CADM2: variants seen among roughly 807,000 people sequenced by gnomAD.
The protein encoded by CADM2 is cell adhesion molecule 2.
Under a neutral mutation model 49.8 loss-of-function variants are expected in CADM2, and 12 were observed. That is an observed-to-expected ratio of 0.24 (90% confidence interval 0.15 to 0.39). The LOEUF (loss-of-function observed/expected upper bound fraction) is 0.39, where lower values mean the gene tolerates loss of function less well. Among genes scored for constraint, CADM2 ranks in the 10% least tolerant of loss-of-function variants. The pLI is 1.00. For missense variants in CADM2, 378 were observed against 492.3 expected (o/e 0.77, Z 2.20); for synonymous variants, 214 against 175.4 (o/e 1.22, Z -1.74).
chr3:85,220,492 G>A (rs747543069), intron 1 of CADM2, among the ~76,000 whole-genome samples: 7 of 152,106 alleles, frequency 4.6e-5, no homozygotes, highest in Non-Finnish European at 8.8e-5. Flanking sequence ...AAGCATACAA[G>A]TCAGGTTCTT....
intron 1 of CADM2, among the ~76,000 whole-genome samples, chr3:85,483,088 T>C (rs578152701): frequency 1.3e-5 from 2 of 151,498 alleles, no homozygotes; most frequent in Non-Finnish European, 3.0e-5. Flanking sequence ...TATTAAATAG[T>C]ATAGTATGGG....
chr3:85,084,973 G>A (rs919610756), intron 1 of CADM2, among the ~76,000 whole-genome samples: 10 of 151,986 alleles, frequency 6.6e-5, no homozygotes, highest in African/African-American at 2.2e-4. Flanking sequence ...ATACAGTTAT[G>A]TTAGGCAGCA....
chr3:85,841,157 G>A (rs531031415), intron 3 of CADM2, among the ~76,000 whole-genome samples: 1 of 151,918 alleles, frequency 6.6e-6, no homozygotes. Context: ...TTGATAACAT[G>A]AAACTTTTCA....
chr3:85,641,207 A>T (rs1342827586), intron 1 of CADM2, among the ~76,000 whole-genome samples: 3 of 152,236 alleles, frequency 2.0e-5, no homozygotes, highest in Non-Finnish European at 4.4e-5. Context: ...TAGCTAAAAA[A>T]AAACTAGTGA....
intron 3 of CADM2, among the ~76,000 whole-genome samples, chr3:85,816,266 G>A (rs185388490): frequency 8.7e-4 from 132 of 151,030 alleles, no homozygotes; most frequent in Admixed American, 3.7e-3. Context: ...TAGCTCTAGA[G>A]CACCAACCTA....
intron 1 of CADM2, among the ~76,000 whole-genome samples, chr3:85,657,781 T>TAC (rs1469127055): frequency 1.6e-4 from 24 of 147,602 alleles, no homozygotes; most frequent in African/African-American, 5.9e-4. Flanking sequence ...TATATACATA[T>TAC]ACATGTTTTG....
At chr3:85,911,196 A>G (rs896295712) in intron 5 of CADM2, among the ~76,000 whole-genome samples, 2 of 152,180 alleles carry the variant, frequency 1.3e-5, no homozygotes, top group African/African-American at 4.8e-5. Flanking sequence ...CATCAACTAC[A>G]TTTAAGATCT....
At chr3:86,063,553 G>T (rs1040174609) in intron 8 of CADM2, among the ~76,000 whole-genome samples, 4 of 152,162 alleles carry the variant, frequency 2.6e-5, no homozygotes, top group African/African-American at 9.7e-5. Flanking sequence ...AGTAGGTGTC[G>T]GGGAGTATGT....
At chr3:85,925,961 C>T (rs1301600520) in intron 6 of CADM2, among the ~76,000 whole-genome samples, 2 of 151,794 alleles carry the variant, frequency 1.3e-5, no homozygotes. Context: ...CACGGTGAAA[C>T]CCCGTCTCTA....
intron 1 of CADM2, among the ~76,000 whole-genome samples, chr3:85,227,565 C>T (rs2042191150): frequency 1.3e-5 from 2 of 151,374 alleles, no homozygotes; most frequent in Non-Finnish European, 2.9e-5. Flanking sequence ...ATACAGCACA[C>T]TGATGGGTCT....
At chr3:85,591,508 G>A (rs73843681) in intron 1 of CADM2, among the ~76,000 whole-genome samples, 2,381 of 151,920 alleles carry the variant, frequency 0.016, 73 homozygotes, top group African/African-American at 0.054. Flanking sequence ...TAGTATATAC[G>A]GAAATTTCAC....
At chr3:85,800,148 A>C (rs1426939628) in intron 2 of CADM2, 3 of 152,258 alleles carry the variant, frequency 2.0e-5, no homozygotes, top group Non-Finnish European at 4.4e-5. Context: ...AGTGGGCTCC[A>C]CCTAGTCTGA....
intron 1 of CADM2, among the ~76,000 whole-genome samples, chr3:85,290,677 G>C (rs939833173): frequency 6.6e-6 from 1 of 152,202 alleles, no homozygotes; most frequent in African/African-American, 2.4e-5. Context: ...AGCAGGGGCA[G>C]ACTGACACCT....
At chr3:85,757,319 C>T (rs1477493577) in intron 2 of CADM2, among the ~76,000 whole-genome samples, 2 of 151,932 alleles carry the variant, frequency 1.3e-5, no homozygotes, top group Non-Finnish European at 2.9e-5. Context: ...AATTGAACAC[C>T]TACATTACGA....
intron 1 of CADM2, among the ~76,000 whole-genome samples, chr3:85,530,445 C>T (rs567956256): frequency 1.3e-5 from 2 of 150,256 alleles, no homozygotes; most frequent in South Asian, 2.1e-4. Context: ...ATTCTCCTGC[C>T]TCAGCCTCCC....
chr3:85,313,549 C>T (rs1171046000), intron 1 of CADM2, among the ~76,000 whole-genome samples: 6 of 152,100 alleles, frequency 3.9e-5, no homozygotes, highest in African/African-American at 1.4e-4. Context: ...TTGATGAGAA[C>T]AAGCATTAGT....
At chr3:85,922,188 C>T (rs772668973) in intron 6 of CADM2, among the ~76,000 whole-genome samples, 1 of 151,428 alleles carries the variant, frequency 6.6e-6, no homozygotes, top group Non-Finnish European at 1.5e-5. Flanking sequence ...CCCCTTCTTT[C>T]TCTTTCCTTC....
At position 85,394,288 on chromosome 3, in the gene CADM2, T is replaced by G. The variant is rs183503186; in HGVS notation, c.62-332234T>G. 2.2e-3 allele frequency among the ~76,000 whole-genome samples: 328 copies of G among 152,228 alleles called. 2 individuals carry two copies. Among genetic ancestry groups the G allele is most frequent in the African/African-American group, 7.6e-3 (315 of 41,550 alleles). The stretch of plus-strand genomic sequence containing the variant: ...GAGTTTTCCATTGACATTAATATTA[T>G]TACCATAATAAATGCATAATTAAAA... On this transcript the variant is annotated intron_variant, in intron 1 of 9. Transcript: ENST00000383699.
intron 1 of CADM2, among the ~76,000 whole-genome samples, chr3:85,238,521 G>T (rs2042459272): frequency 6.6e-6 from 1 of 152,026 alleles, no homozygotes; most frequent in Non-Finnish European, 1.5e-5. Context: ...GGGATAATCT[G>T]TCTTTCCTCT....
Sources: gnomAD v4.1 joint callset for allele counts (sites outside exome capture counted in the v4.1 genomes callset) on GRCh38, gnomAD v4.1.1 for gene constraint, MANE v1.5 for transcripts, NCBI Gene and HGNC (gene_info 2026-07-23, HGNC 2026-07-21) for gene names.